EYS: variants seen among roughly 807,000 people sequenced by gnomAD.
The protein encoded by EYS is EGF-like photoreceptor maintenance factor.
Under a neutral mutation model 282.1 loss-of-function variants are expected in EYS, and 250 were observed. The ratio of observed to expected loss-of-function variants is 0.89; its 90% CI spans 0.80 to 0.98. The LOEUF is 0.98. EYS is among the 50% of genes least tolerant of loss of function. The pLI is 0.00. For synonymous variants in EYS, 1,355 were observed against 1,282.9 expected, an observed-to-expected ratio of 1.06 and a Z score of -1.20; for missense variants, 4,016 against 3,709.0, an observed-to-expected ratio of 1.08 and a Z score of -2.15.
intron 31 of EYS, among the ~76,000 whole-genome samples, chr6:64,222,864 G>A (rs1240880141): frequency 2.0e-5 from 3 of 151,904 alleles, no homozygotes; most frequent in African/African-American, 7.2e-5. Context: ...AATGAAATTA[G>A]AGGCATTGAT....
chr6:63,755,754 T>C (rs1769463385), intron 41 of EYS, among the ~76,000 whole-genome samples: 1 of 152,204 alleles, frequency 6.6e-6, no homozygotes, highest in Non-Finnish European at 1.5e-5. Flanking sequence ...TGATTCTTCC[T>C]ACCCATGAGC....
At chr6:63,901,455 T>A (rs1773657273) in intron 35 of EYS, among the ~76,000 whole-genome samples, 1 of 152,176 alleles carries the variant, frequency 6.6e-6, no homozygotes, top group Non-Finnish European at 1.5e-5. Flanking sequence ...CTAGAACTTT[T>A]TGAAGAAAAA....
At chr6:64,517,467 T>C (rs1413215058) in intron 26 of EYS, among the ~76,000 whole-genome samples, 2 of 151,828 alleles carry the variant, frequency 1.3e-5, no homozygotes, top group African/African-American at 4.8e-5. Context: ...TTGGCAGTAA[T>C]TGAAACTTCA....
At chr6:64,192,068 T>C (rs2150317038) in intron 31 of EYS, among the ~76,000 whole-genome samples, 1 of 141,662 alleles carries the variant, frequency 7.1e-6, no homozygotes, top group South Asian at 2.3e-4. Context: ...TTTGCATTTC[T>C]CTGATGGCCA....
Position 64,926,118 on chromosome 6 carries a change from C to G in EYS, c.2382-13375G>C, listed in dbSNP as rs562872074. 5.6e-4 allele frequency among the ~76,000 whole-genome samples: 86 copies of G among 152,296 alleles called. 1 individual carries two copies. The highest frequency in any genetic ancestry group is 1.9e-3 in the African/African-American group (81 of 41,570). ...AGTTAGCCAAAGCACTCCTAGTTTG[C>G]CTTCAGGCAGACCTATCCCAGGCCA... is the stretch of plus-strand genomic sequence containing the variant. On this transcript the variant is annotated intron_variant, in intron 15 of 42. Transcript: ENST00000503581.
rs113546226 is a variant in EYS, at chr6:64,740,657, A to G, written c.3443+72721T>C. Reference sequence around the variant, plus strand: ...CATTATCATACATGCCTGTCATTGCACAGTAACTTTGAACATCCAGCTAAA... The same window carrying G: ...CATTATCATACATGCCTGTCATTGCGCAGTAACTTTGAACATCCAGCTAAA... On this transcript the variant is annotated intron_variant, in intron 22 of 42. Transcript: ENST00000503581. 1.5e-3 allele frequency among the ~76,000 whole-genome samples: 226 copies of G among 151,930 alleles called. 1 individual carries two copies. The highest frequency in any genetic ancestry group is 1.5e-3 in the Non-Finnish European group (104 of 68,004).
chr6:65,405,218 A>G lies in EYS; in HGVS notation c.1012T>C (p.Leu338=). 1 of 1,613,320 alleles carries G rather than the reference A, an allele frequency of 6.2e-7. No homozygotes were observed. The highest frequency in any genetic ancestry group is 8.5e-7 in the Non-Finnish European group (1 of 1,179,516). The change falls in exon 6 of 43, where the codon TTA becomes CTA. Residue 338 remains leucine, a synonymous_variant. Coordinates refer to ENST00000503581, the MANE Select transcript of EYS (RefSeq NM_001142800.2). ...TCAGTACCATTCTGACATGGTACTA[A>G]TGAAAACTCACTGACATCAGTTTCA... The part of the protein sequence containing the change: ...NGETDVSEFS[L]VPCQNGTDCI...
rs181172671 is a variant in EYS, at chr6:65,587,067, C to A, written c.-333+52711G>T. Among the ~76,000 whole-genome samples, 64 of 151,990 alleles carry A rather than the reference C, an allele frequency of 4.2e-4. 1 individual carries two copies. In the East Asian group the frequency reaches 6.0e-3, roughly 14 times the overall value. ...CTTGAAGTATATGCATTAAATGTTC[C>A]ATATTTTAGGCTACCATTGAGAAGA... On this transcript the variant is annotated intron_variant, in intron 2 of 42. Coordinates refer to ENST00000503581, the MANE Select transcript of EYS (RefSeq NM_001142800.2).
chr6:65,341,230 A>G (rs80343681), intron 10 of EYS, among the ~76,000 whole-genome samples: 3,112 of 151,146 alleles, frequency 0.021, 112 homozygotes, highest in African/African-American at 0.072. Context: ...CTTTTAAAAA[A>G]TCTTCTAAAC....
At chr6:65,126,911 C>T (rs1775734968) in intron 12 of EYS, among the ~76,000 whole-genome samples, 1 of 152,214 alleles carries the variant, frequency 6.6e-6, no homozygotes, top group African/African-American at 2.4e-5. Context: ...CTGCTGAAAG[C>T]TGTTGACCTG....
chr6:65,381,001 C>T (rs374863790), intron 8 of EYS, among the ~76,000 whole-genome samples: 3 of 152,202 alleles, frequency 2.0e-5, no homozygotes, highest in African/African-American at 7.2e-5. Flanking sequence ...AATAGGAATG[C>T]ATTTACACTT....
chr6:64,388,257 G>A (rs1282464553), intron 29 of EYS, among the ~76,000 whole-genome samples: 1 of 152,106 alleles, frequency 6.6e-6, no homozygotes, highest in African/African-American at 2.4e-5. Context: ...TGTAATAAAT[G>A]TTCTCACATT....
At chr6:64,785,630 C>T (rs544798712) in intron 22 of EYS, among the ~76,000 whole-genome samples, 20 of 152,238 alleles carry the variant, frequency 1.3e-4, no homozygotes, top group Middle Eastern at 3.4e-3. Flanking sequence ...CCTTCTGAAA[C>T]ATATTTACAG....
rs547200352 is a variant in EYS, at chr6:65,606,043, C to G, written c.-333+33735G>C. Among the ~76,000 whole-genome samples the G allele has an allele frequency of 2.1e-3, 317 of 151,514 alleles. 2 individuals are homozygous for G. The highest frequency in any genetic ancestry group is 7.6e-3 in the African/African-American group (315 of 41,460). On this transcript the variant is annotated intron_variant, in intron 2 of 42. Transcript: ENST00000503581. ...TCAGATATAATGAATAATTAATATT[C>G]TTAAAGTACTGAGTTCTTACAGTTA...
intron 29 of EYS, among the ~76,000 whole-genome samples, chr6:64,341,473 A>G (rs1047197234): frequency 2.0e-5 from 3 of 151,768 alleles, no homozygotes; most frequent in South Asian, 2.1e-4. Context: ...GTTCTCACTT[A>G]TAAGTGGGAG....
chr6:65,215,644 T>C (rs1766293395), intron 12 of EYS, among the ~76,000 whole-genome samples: 1 of 152,146 alleles, frequency 6.6e-6, no homozygotes, highest in Non-Finnish European at 1.5e-5. Flanking sequence ...CCACTGTGGG[T>C]AAAACGCTGT....
chr6:64,194,489 GTA>G (rs1159834291), intron 31 of EYS, among the ~76,000 whole-genome samples: 7 of 151,972 alleles, frequency 4.6e-5, no homozygotes, highest in Admixed American at 6.6e-5. Flanking sequence ...ATTTTTTGTT[GTA>G]GTTTCTTCCT....
chr6:64,428,168 C>A (rs909011307), intron 28 of EYS, among the ~76,000 whole-genome samples: 2 of 151,994 alleles, frequency 1.3e-5, no homozygotes, highest in Non-Finnish European at 2.9e-5. Flanking sequence ...ATAAGATAAC[C>A]ATAATCTTTA....
At chr6:64,704,883 GA>G (rs996266804) in intron 22 of EYS, among the ~76,000 whole-genome samples, 3 of 152,020 alleles carry the variant, frequency 2.0e-5, no homozygotes, top group Non-Finnish European at 4.4e-5. Context: ...ACTGAACGGG[GA>G]AAAGTTAATA....
Sources: gnomAD v4.1 joint callset for allele counts (sites outside exome capture counted in the v4.1 genomes callset) on GRCh38, gnomAD v4.1.1 for gene constraint, MANE v1.5 for transcripts, NCBI Gene and HGNC (gene_info 2026-07-23, HGNC 2026-07-21) for gene names.